Variants in CHD9 observed in about 807,000 individuals in gnomAD.
The protein encoded by CHD9 is ATP-dependent chromatin remodeler CHD9.
CHD9 carries 77 observed loss-of-function variants against 316.1 expected under a neutral mutation model. That is an observed-to-expected ratio of 0.24 (90% CI 0.20 to 0.29). The LOEUF is 0.29. CHD9 is among the 10% of genes least tolerant of loss of function. CHD9 has a pLI of 1.00. For synonymous variants in CHD9, 1,129 were observed against 1,158.3 expected, an observed-to-expected ratio of 0.97 and a Z score of 0.51; for missense variants, 2,763 against 3,438.1, an observed-to-expected ratio of 0.80 and a Z score of 4.91.
chr16:53,254,391 A>G, intron 17 of CHD9, 47 bp from the exon 18 acceptor site: 1 of 1,411,894 alleles, frequency 7.1e-7, no homozygotes, highest in Middle Eastern at 1.9e-4. Context: ...TTACTATTAA[A>G]TGCCTTTTGA....
At chr16:53,195,647 A>C (rs2044844368) in intron 2 of CHD9, among the ~76,000 whole-genome samples, 1 of 151,880 alleles carries the variant, frequency 6.6e-6, no homozygotes, top group African/African-American at 2.4e-5. Flanking sequence ...CTGAGCTCAG[A>C]GAAGGCCTAA....
At chr16:53,200,169 G>A (rs908018458) in intron 2 of CHD9, among the ~76,000 whole-genome samples, 18 of 152,098 alleles carry the variant, frequency 1.2e-4, no homozygotes, top group African/African-American at 3.9e-4. Flanking sequence ...TCAGGAGTTC[G>A]AGACCAGCCT....
chr16:53,226,533 G>A lies in CHD9; in HGVS notation c.2043+21G>A, dbSNP rs763912634. 9 of 1,585,732 alleles carry A rather than the reference G, an allele frequency of 5.7e-6. No homozygotes were observed. The East Asian group carries it at 1.6e-4, about 28-fold the overall frequency. On this transcript the variant is annotated intron_variant, in intron 5 of 38. Transcript: ENST00000447540. ...TTGTGGTAAGCATATTTGGGATTATGACTGCAAAACATTTTAAACCGACAT... is the reference window on the plus strand; with the variant it reads ...TTGTGGTAAGCATATTTGGGATTATAACTGCAAAACATTTTAAACCGACAT...
At chr16:53,134,347 T>C (rs552631224) in intron 1 of CHD9, among the ~76,000 whole-genome samples, 2 of 152,342 alleles carry the variant, frequency 1.3e-5, no homozygotes, top group East Asian at 3.9e-4. Flanking sequence ...TATAGATTTC[T>C]TATATAAGAT....
chr16:53,274,334 G>C, intron 24 of CHD9, 32 bp downstream of exon 24: 1 of 1,393,422 alleles, frequency 7.2e-7, no homozygotes, highest in Non-Finnish European at 9.8e-7. Context: ...ATTTTTGTTT[G>C]TTTGTTGTCT....
rs1242095425 is a variant in CHD9 at position 53,209,701 on chromosome 16, T to A, written c.1672T>A (p.Ser558Thr). 2 of 1,613,446 alleles carry A rather than the reference T, an allele frequency of 1.2e-6. No individual in the cohort carries two copies. Among genetic ancestry groups the A allele is most frequent in the Non-Finnish European group, 1.7e-6 (2 of 1,179,686 alleles). Residue 558 changes from serine (S) to threonine (T), a missense_variant, in exon 3 of 39, where the codon TCA becomes ACA. Ser to Thr is a moderately conservative substitution (Grantham distance 58). Around this residue, in one of 15 missense-constraint regions of CHD9, gnomAD observed 859 missense variants for 890.4 expected, o/e 0.96. Coordinates refer to ENST00000447540, the MANE Select transcript of CHD9 (RefSeq NM_001308319.2). Reference protein sequence around the residue: ...VMSPENFPTASVEGKEEKKGR... With the variant: ...VMSPENFPTATVEGKEEKKGR... ...GAGCCCTGAAAACTTTCCTACTGCT[T>A]CAGTTGAAGGAAAAGAGGAAAAGAA...
chr16:53,292,699 G>A, intron 28 of CHD9, 134 bp from the exon 29 acceptor site: 3 of 679,634 alleles, frequency 4.4e-6, no homozygotes, highest in Non-Finnish European at 7.5e-6. Context: ...GTTAAAAGAA[G>A]CTTTTAGGAT....
At chr16:53,250,094 AT>A in intron 17 of CHD9, 28 bp downstream of exon 17, 1 of 1,550,194 alleles carries the variant, frequency 6.5e-7, no homozygotes, top group South Asian at 1.2e-5. Context: ...CTAACAAAAA[AT>A]GCATTTTTTA....
At chr16:53,266,771 A>G (rs1478999114) in intron 20 of CHD9, among the ~76,000 whole-genome samples, 2 of 152,208 alleles carry the variant, frequency 1.3e-5, no homozygotes, top group East Asian at 3.8e-4. Context: ...ACTGAATCGA[A>G]CATACTGAGG....
intron 3 of CHD9, among the ~76,000 whole-genome samples, chr16:53,218,491 A>G (rs187448131): frequency 1.3e-5 from 2 of 152,322 alleles, no homozygotes; most frequent in East Asian, 3.9e-4. Context: ...ATATTTATCT[A>G]TAAAAATGTT....
chr16:53,111,104 A>T (rs567982512), intron 1 of CHD9, among the ~76,000 whole-genome samples: 1 of 152,280 alleles, frequency 6.6e-6, no homozygotes, highest in South Asian at 2.1e-4. Flanking sequence ...TGAGACTCAT[A>T]GGCCTGGGTT....
At chr16:53,200,924 C>G (rs139738486) in intron 2 of CHD9, among the ~76,000 whole-genome samples, 1 of 152,150 alleles carries the variant, frequency 6.6e-6, no homozygotes, top group Admixed American at 6.5e-5. Context: ...CCTAATATCT[C>G]TCAGTATTTG....
chr16:53,230,956 A>T (rs2048119136), intron 8 of CHD9, among the ~76,000 whole-genome samples: 1 of 152,156 alleles, frequency 6.6e-6, no homozygotes, highest in Non-Finnish European at 1.5e-5. Flanking sequence ...ATGCAGGAGG[A>T]GGTATGGGTT....
chr16:53,306,418 T>G (rs1412728475), intron 32 of CHD9, 21 bp downstream of exon 32: 1 of 1,546,586 alleles, frequency 6.5e-7, no homozygotes, highest in East Asian at 2.4e-5. Flanking sequence ...AATTTCTTAT[T>G]GGGATAGGTC....
intron 2 of CHD9, among the ~76,000 whole-genome samples, chr16:53,193,107 TC>T (rs1161794698): frequency 6.6e-6 from 1 of 152,114 alleles, no homozygotes; most frequent in Non-Finnish European, 1.5e-5. Flanking sequence ...ATATAGGAGT[TC>T]CTGTTGCTCC....
chr16:53,224,916 G>A (rs910617865), intron 4 of CHD9, among the ~76,000 whole-genome samples: 1 of 152,066 alleles, frequency 6.6e-6, no homozygotes, highest in Admixed American at 6.6e-5. Context: ...GTTTCTAGTA[G>A]CCCTTTAATT....
chr16:53,177,424 A>G (rs2152798728), intron 2 of CHD9, among the ~76,000 whole-genome samples: 1 of 152,304 alleles, frequency 6.6e-6, no homozygotes, highest in South Asian at 2.1e-4. Context: ...CGAAAAAGAC[A>G]TGATTTGATC....
rs760418136 is a variant in CHD9, at chr16:53,121,573, T to C, written c.-164-34353T>C. The C allele has an allele frequency of 4.0e-4, 146 of 365,954 alleles. 1 individual carries two copies. Among genetic ancestry groups the C allele is most frequent in the Middle Eastern group, 1.9e-3 (4 of 2,160 alleles). 22.7% of individuals were successfully genotyped at this position (365,954 alleles called of 1,614,324 possible). A position where few individuals can be genotyped will look rare whatever the true frequency, so the allele number is the denominator to read the frequency against. On this transcript the variant is annotated intron_variant, in intron 1 of 38. Transcript: ENST00000447540. ...ACTCTAAGACCTGACCCTGATTAAGTGGGCCTACAAGTGAGAATCTGAAGA... is the reference window on the plus strand; with the variant it reads ...ACTCTAAGACCTGACCCTGATTAAGCGGGCCTACAAGTGAGAATCTGAAGA...
chr16:53,065,087 C>G (rs1346681326), intron 1 of CHD9, among the ~76,000 whole-genome samples: 1 of 152,198 alleles, frequency 6.6e-6, no homozygotes, highest in Admixed American at 6.5e-5. Context: ...TCAGCACACT[C>G]TTTCTCCTGT....
Sources: allele counts gnomAD v4.1 joint callset (sites outside exome capture counted in the v4.1 genomes callset), GRCh38; gene constraint gnomAD v4.1.1; regional missense constraint gnomAD v4.1.1; transcripts MANE v1.5; gene names NCBI Gene and HGNC (gene_info 2026-07-23, HGNC 2026-07-21).